FAM240A: variants seen among roughly 807,000 people sequenced by gnomAD.
FAM240A encodes the protein family with sequence similarity 240 member A.
A neutral mutation model predicts 7.3 loss-of-function variants in FAM240A; 8 were observed. The ratio of observed to expected loss-of-function variants is 1.09; its 90% CI spans 0.64 to 1.97. FAM240A has a LOEUF of 1.97. FAM240A is among the 30% of genes most tolerant of loss of function. The probability of loss-of-function intolerance (pLI) is 0.00; values close to 1 mark genes in which losing one functional copy is unlikely to be tolerated. For missense variants in FAM240A, 90 were observed against 102.2 expected (o/e 0.88, Z 0.52); for synonymous variants, 32 against 35.9 (o/e 0.89, Z 0.38).
intron 2 of FAM240A, among the ~76,000 whole-genome samples, chr3:46,617,939 G>C (rs1697649426): frequency 6.6e-6 from 1 of 152,220 alleles, no homozygotes; most frequent in Non-Finnish European, 1.5e-5. Flanking sequence ...GGGTCACCTT[G>C]CTGTGGAAGC....
At chr3:46,615,731 CT>C (rs1697620695) in intron 1 of FAM240A, among the ~76,000 whole-genome samples, 1 of 152,196 alleles carries the variant, frequency 6.6e-6, no homozygotes, top group African/African-American at 2.4e-5. Flanking sequence ...TGCTTTTGAG[CT>C]TTCTACTATA....
In FAM240A at chr3:46,612,639, T is replaced by A; in HGVS notation, c.-45T>A. 3 of 1,522,668 alleles carry A rather than the reference T, an allele frequency of 2.0e-6. No homozygotes were observed. Among genetic ancestry groups the A allele is most frequent in the Non-Finnish European group, 2.6e-6 (3 of 1,134,528 alleles). 94.3% of individuals were successfully genotyped at this position (1,522,668 alleles called of 1,614,324 possible). ...CACAGATGCCTCACAGGCGGTCAAG[T>A]GCGACACATTTGGTTCGACTGAATC... On this transcript the variant is annotated 5_prime_UTR_variant, in exon 1 of 3. Transcript: ENST00000640551.
At chr3:46,613,534 GAC>G (rs1232575841) in intron 1 of FAM240A, among the ~76,000 whole-genome samples, 1 of 61,926 alleles carries the variant, frequency 1.6e-5, no homozygotes, top group African/African-American at 4.7e-5. Context: ...TAAAAAACAA[GAC>G]ACAGAACATT....
At chr3:46,618,850 AAAAG>A (rs1340955184) in intron 2 of FAM240A, among the ~76,000 whole-genome samples, 29 of 114,006 alleles carry the variant, frequency 2.5e-4, no homozygotes, top group Middle Eastern at 4.1e-3. Flanking sequence ...CAAAAAGAAA[AAAAG>A]ATATATATAT....
intron 1 of FAM240A, among the ~76,000 whole-genome samples, chr3:46,615,705 G>C (rs747855060): frequency 4.6e-5 from 7 of 152,168 alleles, no homozygotes; most frequent in Non-Finnish European, 1.0e-4. Flanking sequence ...CAGCAGACAG[G>C]AACATCTGCA....
chr3:46,624,427 A>C (rs1697733909), intron 2 of FAM240A, among the ~76,000 whole-genome samples: 1 of 151,832 alleles, frequency 6.6e-6, no homozygotes, highest in Non-Finnish European at 1.5e-5. Flanking sequence ...ACCCGCCACC[A>C]TGATCAGCTA....
intron 1 of FAM240A, among the ~76,000 whole-genome samples, chr3:46,615,571 G>A (rs1023081435): frequency 6.6e-6 from 1 of 152,052 alleles, no homozygotes; most frequent in Non-Finnish European, 1.5e-5. Context: ...CAAAATGCCT[G>A]TCTGGACCCA....
At position 46,625,223 on chromosome 3, in the gene FAM240A, T is replaced by G. The variant is rs753294373; in HGVS notation, c.*5T>G. On this transcript the variant is annotated 3_prime_UTR_variant, in exon 3 of 3. Coordinates refer to ENST00000640551, the MANE Select transcript of FAM240A (RefSeq NM_001195442.2). The stretch of plus-strand genomic sequence containing the variant: ...AAGAGGACAAATGTTGGCTGAGAGC[T>G]TCCTGCTTCATTGACACAAGAAGAT... 4.6e-6 allele frequency: 7 copies of G among 1,528,114 alleles called. No homozygotes were observed. Among genetic ancestry groups the G allele is most frequent in the Admixed American group, 2.0e-5 (1 of 50,486 alleles). The allele number at this position is 1,528,114 out of a possible 1,614,324, so 94.7% of individuals were successfully genotyped here.
intron 1 of FAM240A, among the ~76,000 whole-genome samples, chr3:46,615,428 A>C (rs147346071): frequency 6.6e-6 from 1 of 152,234 alleles, no homozygotes; most frequent in African/African-American, 2.4e-5. Context: ...TTTCCTGTGA[A>C]TCTGTCCACT....
intron 1 of FAM240A, among the ~76,000 whole-genome samples, chr3:46,615,173 C>T (rs1395871662): frequency 6.6e-6 from 1 of 152,140 alleles, no homozygotes. Context: ...TACCCTGCCC[C>T]ACTGTCCCGG....
At chr3:46,624,969 A>G (rs1697739977) in intron 2 of FAM240A, among the ~76,000 whole-genome samples, 159 bp from the exon 3 acceptor site, 1 of 149,486 alleles carries the variant, frequency 6.7e-6, no homozygotes, top group African/African-American at 2.4e-5. Context: ...TAAATTATAT[A>G]TATATATATA....
chr3:46,623,413 C>G lies in FAM240A; in HGVS notation c.162-1715C>G, dbSNP rs555648961. ...AATATTCTATAAATATTGATTATAT[C>G]AAGTTGGTTGATAGTGTTGTTCAAG... On this transcript the variant is annotated intron_variant, in intron 2 of 2. Transcript: ENST00000640551. 8.5e-5 allele frequency among the ~76,000 whole-genome samples: 13 copies of G among 152,226 alleles called. No homozygotes were observed. In the South Asian group the frequency reaches 2.7e-3, roughly 32 times the overall value.
In FAM240A at chr3:46,625,247, A is replaced by G; in HGVS notation, c.*29A>G. 1 of 1,481,986 alleles carries G rather than the reference A, an allele frequency of 6.7e-7. No homozygotes were observed. The allele number at this position is 1,481,986 out of a possible 1,614,324, so 91.8% of individuals were successfully genotyped here. Reference sequence around the variant, plus strand: ...CTTCCTGCTTCATTGACACAAGAAGATGCAAAACACTGAGGTCACTTTGCT... The same window carrying G: ...CTTCCTGCTTCATTGACACAAGAAGGTGCAAAACACTGAGGTCACTTTGCT... On this transcript the variant is annotated 3_prime_UTR_variant, in exon 3 of 3. Coordinates refer to ENST00000640551, the MANE Select transcript of FAM240A (RefSeq NM_001195442.2).
chr3:46,620,887 G>C (rs562174033), intron 2 of FAM240A, among the ~76,000 whole-genome samples: 4 of 152,226 alleles, frequency 2.6e-5, no homozygotes, highest in South Asian at 4.1e-4. Context: ...TAATGGCAAG[G>C]TAGTTTCTTT....
At chr3:46,617,500 T>G (rs1697644332) in intron 2 of FAM240A, among the ~76,000 whole-genome samples, 172 bp downstream of exon 2, 1 of 152,224 alleles carries the variant, frequency 6.6e-6, no homozygotes, top group Non-Finnish European at 1.5e-5. Context: ...CCTTTGTGAC[T>G]GTCGATGAGC....
intron 2 of FAM240A, 138 bp downstream of exon 2, chr3:46,617,466 C>T (rs892764776): frequency 9.9e-6 from 6 of 604,234 alleles, no homozygotes; most frequent in South Asian, 3.1e-5. Flanking sequence ...AATTGCCCCA[C>T]TGTCAACATC....
intron 1 of FAM240A, among the ~76,000 whole-genome samples, chr3:46,614,138 G>T (rs574902362): frequency 3.0e-4 from 45 of 152,070 alleles, no homozygotes; most frequent in Middle Eastern, 3.4e-3. Flanking sequence ...TGCCCAGCCT[G>T]GTCTCAAACT....
At chr3:46,619,171 G>A (rs1338831078) in intron 2 of FAM240A, among the ~76,000 whole-genome samples, 2 of 152,068 alleles carry the variant, frequency 1.3e-5, no homozygotes, top group South Asian at 2.1e-4. Context: ...GCAGCAATAC[G>A]CCAAAGGAAG....
At position 46,615,937 on chromosome 3, in the gene FAM240A, G is replaced by C. The variant is rs150578746; in HGVS notation, c.16-1246G>C. The stretch of plus-strand genomic sequence containing the variant: ...TTCTCTGATAAACCCCTTTAGTAAA[G>C]GGCCTGGAAACTTTCAGAAGTCTGA... On this transcript the variant is annotated intron_variant, in intron 1 of 2. Coordinates refer to ENST00000640551, the MANE Select transcript of FAM240A (RefSeq NM_001195442.2). Among the ~76,000 whole-genome samples, 1,474 of 152,254 alleles carry C rather than the reference G, an allele frequency of 9.7e-3. 23 individuals carry two copies. Among genetic ancestry groups the C allele is most frequent in the African/African-American group, 0.034 (1,407 of 41,534 alleles).
Sources: allele counts gnomAD v4.1 joint callset (sites outside exome capture counted in the v4.1 genomes callset), GRCh38; gene constraint gnomAD v4.1.1; transcripts MANE v1.5; gene names NCBI Gene and HGNC (gene_info 2026-07-23, HGNC 2026-07-21).